CASK: variants seen among roughly 807,000 people sequenced by gnomAD.
The protein encoded by CASK is calcium/calmodulin dependent serine protein kinase, also known as peripheral plasma membrane protein CASK.
CASK carries 4 observed loss-of-function variants against 82.9 expected under a neutral mutation model. The ratio of observed to expected loss-of-function variants is 0.05; its 90% confidence interval spans 0.02 to 0.11. The LOEUF is 0.11. CASK is among the 10% of genes least tolerant of loss of function. The pLI, the probability that CASK is intolerant of heterozygous loss-of-function variation, is 1.00. For missense variants in CASK, 358 were observed against 720.9 expected, an observed-to-expected ratio of 0.50 and a Z score of 5.76; for synonymous variants, 259 against 253.5, an observed-to-expected ratio of 1.02 and a Z score of -0.20.
chrX:41,844,069 C>A (rs1040370670), intron 2 of CASK, among the ~76,000 whole-genome samples: 1 of 111,353 alleles, frequency 9.0e-6, no homozygotes, highest in Non-Finnish European at 1.9e-5. Context: ...GGTCATATAA[C>A]CTTAGATTTA....
intron 2 of CASK, among the ~76,000 whole-genome samples, chrX:41,792,493 T>G (rs767021135): frequency 9.1e-6 from 1 of 110,071 alleles, no homozygotes; most frequent in East Asian, 2.9e-4. Context: ...TCTCGCTATG[T>G]TGCCCGGGTT....
At chrX:41,813,455 G>T (rs1173778740) in intron 2 of CASK, among the ~76,000 whole-genome samples, 1 of 110,916 alleles carries the variant, frequency 9.0e-6, no homozygotes, top group Admixed American at 9.6e-5. Flanking sequence ...ACAACCATCT[G>T]ATCTTTGACA....
At chrX:41,728,248 A>C in intron 5 of CASK, 2 of 298,365 alleles carry the variant, frequency 6.7e-6, no homozygotes, top group South Asian at 2.4e-4. Context: ...AGAAGCAAAA[A>C]TTAAGCATAT....
intron 5 of CASK, among the ~76,000 whole-genome samples, chrX:41,685,474 T>C (rs2067426170): frequency 8.9e-6 from 1 of 111,899 alleles, no homozygotes. Flanking sequence ...TTGTGGAGGT[T>C]TTTAAATTTT....
At chrX:41,558,804 T>A (rs773129877) in intron 18 of CASK, 65 of 111,967 alleles carry the variant, frequency 5.8e-4, no homozygotes, top group African/African-American at 1.9e-3. Context: ...AATAGGCTTT[T>A]AAAAAATATG....
At chrX:41,540,698 G>A (rs182143885) in intron 22 of CASK, among the ~76,000 whole-genome samples, 2 of 112,492 alleles carry the variant, frequency 1.8e-5, no homozygotes, top group Admixed American at 1.9e-4. Context: ...GAGAATGGGA[G>A]CAATGGAAGA....
At chrX:41,643,670 T>G (rs1210911184) in intron 8 of CASK, among the ~76,000 whole-genome samples, 1 of 112,026 alleles carries the variant, frequency 8.9e-6, no homozygotes, top group Non-Finnish European at 1.9e-5. Context: ...AAGGAGATTT[T>G]GGGCTGAGAT....
At chrX:41,824,726 G>A (rs761102305) in intron 2 of CASK, among the ~76,000 whole-genome samples, 1 of 111,501 alleles carries the variant, frequency 9.0e-6, no homozygotes, top group Non-Finnish European at 1.9e-5. Flanking sequence ...GATTTCCAAT[G>A]AGTCCCACTA....
At chrX:41,897,867 G>A (rs992164112) in intron 1 of CASK, among the ~76,000 whole-genome samples, 2 of 111,850 alleles carry the variant, frequency 1.8e-5, no homozygotes, top group Non-Finnish European at 3.8e-5. Flanking sequence ...CGGCTTGCTA[G>A]TATTTTGTTG....
chrX:41,786,454 G>A (rs1331724667), intron 3 of CASK, among the ~76,000 whole-genome samples: 1 of 102,892 alleles, frequency 9.7e-6, no homozygotes, highest in Non-Finnish European at 2.0e-5. Flanking sequence ...GGCTGGTCTC[G>A]AACTCCTGGC....
chrX:41,902,489 C>G (rs1471760015), intron 1 of CASK, among the ~76,000 whole-genome samples: 1 of 111,682 alleles, frequency 9.0e-6, no homozygotes, highest in Non-Finnish European at 1.9e-5. Flanking sequence ...TTATAAGGAC[C>G]CTTGTGATTA....
chrX:41,911,127 T>A (rs1360197456), intron 1 of CASK, among the ~76,000 whole-genome samples: 1 of 111,722 alleles, frequency 9.0e-6, no homozygotes, highest in Non-Finnish European at 1.9e-5. Flanking sequence ...ACAAAATTTT[T>A]AAAAAATTTA....
chrX:41,842,273 C>T (rs958041861), intron 2 of CASK, among the ~76,000 whole-genome samples: 12 of 111,438 alleles, frequency 1.1e-4, no homozygotes, highest in African/African-American at 3.3e-4. Flanking sequence ...ATTAATGTAG[C>T]TTTATAGAAA....
At position 41,518,622 on chromosome X, in the gene CASK, A is replaced by G. The variant is rs1213634555; in HGVS notation, c.*1798T>C. Reference sequence around the variant, plus strand: ...GGCGGAGGCGGGTATGGTGTTGACAATGTAAAAGAAGTATACTAATGCCTT... The same window carrying G: ...GGCGGAGGCGGGTATGGTGTTGACAGTGTAAAAGAAGTATACTAATGCCTT... On this transcript the variant is annotated 3_prime_UTR_variant, in exon 27 of 27. Coordinates refer to ENST00000378163, the MANE Select transcript of CASK (RefSeq NM_001367721.1). 1 of 110,310 alleles carries G rather than the reference A, an allele frequency of 9.1e-6. No individual in the cohort carries two copies. Among genetic ancestry groups the G allele is most frequent in the Non-Finnish European group, 1.9e-5 (1 of 52,872 alleles). The allele number at this position is 110,310 out of a possible 1,213,427, so 9.1% of individuals were successfully genotyped here.
rs928716962 is a variant in CASK at position 41,744,831 on chromosome X, T to C, written c.356+693A>G. On this transcript the variant is annotated intron_variant, in intron 4 of 26. Transcript: ENST00000378163. ...TTAATTATTGTGAGATAATTTGATA[T>C]CACTAAAAGGCAAAATGAAGAACTA... 9.9e-5 allele frequency among the ~76,000 whole-genome samples: 11 copies of C among 111,135 alleles called. No homozygotes were observed. In the Admixed American group the frequency reaches 1.1e-3, roughly 11 times the overall value.
intron 1 of CASK, among the ~76,000 whole-genome samples, chrX:41,910,587 C>T (rs1384561550): frequency 8.9e-6 from 1 of 111,860 alleles, no homozygotes; most frequent in Non-Finnish European, 1.9e-5. Context: ...TCTGAAGCCA[C>T]CCAGGCAAGT....
chrX:41,719,664 G>A lies in CASK; in HGVS notation c.429+19720C>T, dbSNP rs370663759. 7.1e-5 allele frequency among the ~76,000 whole-genome samples: 8 copies of A among 112,000 alleles called. No individual in the cohort carries two copies. The East Asian group carries it at 1.7e-3, about 23-fold the overall frequency. ...GAGACAGGGTCATTTATAAGCTGAC[G>A]TGTCCACCCTACTGCTGTGTCCGGT... On this transcript the variant is annotated intron_variant, in intron 5 of 26. Coordinates refer to ENST00000378163, the MANE Select transcript of CASK (RefSeq NM_001367721.1).
intron 2 of CASK, among the ~76,000 whole-genome samples, chrX:41,829,236 CAG>C (rs2070734025): frequency 9.0e-6 from 1 of 111,046 alleles, no homozygotes; most frequent in South Asian, 3.8e-4. Context: ...GATCAAGAAA[CAG>C]AACATGACCA....
At chrX:41,559,592 A>C (rs2065199689) in intron 18 of CASK, 187 bp downstream of exon 18, 1 of 481,238 alleles carries the variant, frequency 2.1e-6, no homozygotes, top group East Asian at 3.7e-5. Context: ...GAGGAGATCC[A>C]CATGGAAGCA....
Sources: allele counts gnomAD v4.1 joint callset (sites outside exome capture counted in the v4.1 genomes callset), GRCh38; gene constraint gnomAD v4.1.1; transcripts MANE v1.5; gene names NCBI Gene and HGNC (gene_info 2026-07-23, HGNC 2026-07-21).